LRRC7: variants seen among roughly 807,000 people sequenced by gnomAD.
The protein encoded by LRRC7 is leucine rich repeat containing 7.
LRRC7 carries 23 observed loss-of-function variants against 175.7 expected under a neutral mutation model. The ratio of observed to expected loss-of-function variants is 0.13; its 90% CI spans 0.09 to 0.19. The LOEUF is 0.19. Among genes scored for constraint, LRRC7 ranks in the 10% least tolerant of loss-of-function variants. LRRC7 has a pLI of 1.00. For missense variants in LRRC7, 1,354 were observed against 1,904.7 expected, an observed-to-expected ratio of 0.71 and a Z score of 5.38; for synonymous variants, 685 against 680.9, an observed-to-expected ratio of 1.01 and a Z score of -0.09.
At chr1:69,740,155 G>C (rs997078416) in intron 2 of LRRC7, among the ~76,000 whole-genome samples, 2 of 152,050 alleles carry the variant, frequency 1.3e-5, no homozygotes, top group Non-Finnish European at 2.9e-5. Context: ...GTCTTCCAAG[G>C]CTGCCATAAG....
intron 1 of LRRC7, among the ~76,000 whole-genome samples, chr1:69,568,925 A>G (rs2100865461): frequency 1.3e-5 from 2 of 152,304 alleles, no homozygotes; most frequent in South Asian, 4.1e-4. Flanking sequence ...ATACTGCGAA[A>G]AGGAAAGGTA....
intron 7 of LRRC7, among the ~76,000 whole-genome samples, chr1:69,869,107 A>G (rs1264911797): frequency 6.6e-6 from 1 of 152,100 alleles, no homozygotes; most frequent in Non-Finnish European, 1.5e-5. Flanking sequence ...AACACAACTC[A>G]GCCCACAACG....
intron 22 of LRRC7, among the ~76,000 whole-genome samples, chr1:70,049,833 G>A (rs886837607): frequency 2.0e-5 from 3 of 152,038 alleles, no homozygotes; most frequent in Admixed American, 2.0e-4. Context: ...AAACTTTGGG[G>A]GAGATTGTTT....
intron 1 of LRRC7, among the ~76,000 whole-genome samples, chr1:69,592,970 T>C: frequency 6.6e-6 from 1 of 152,034 alleles, no homozygotes; most frequent in African/African-American, 2.4e-5. Context: ...TACATAAATA[T>C]TTTAAACACA....
intron 3 of LRRC7, among the ~76,000 whole-genome samples, chr1:69,776,723 G>T (rs757454227): frequency 1.3e-5 from 2 of 151,944 alleles, no homozygotes; most frequent in Non-Finnish European, 2.9e-5. Context: ...GTGGGTGTGT[G>T]TGTGGGTGGG....
At chr1:69,588,616 G>A (rs573056308) in intron 1 of LRRC7, among the ~76,000 whole-genome samples, 8 of 152,210 alleles carry the variant, frequency 5.3e-5, no homozygotes, top group Non-Finnish European at 1.2e-4. Flanking sequence ...GAAACAGGCT[G>A]TATAATTTTT....
intron 1 of LRRC7, among the ~76,000 whole-genome samples, chr1:69,575,345 A>T (rs1291085960): frequency 1.3e-5 from 2 of 152,180 alleles, no homozygotes; most frequent in African/African-American, 4.8e-5. Context: ...TAGCTAGCCA[A>T]TTTGATGACA....
intron 23 of LRRC7, among the ~76,000 whole-genome samples, chr1:70,060,506 TA>T (rs1235799249): frequency 2.6e-5 from 4 of 152,146 alleles, no homozygotes; most frequent in Non-Finnish European, 4.4e-5. Flanking sequence ...TGAGGTCCCT[TA>T]TGTCAAAAGG....
At chr1:69,927,095 G>A (rs945748075) in intron 7 of LRRC7, among the ~76,000 whole-genome samples, 1 of 152,126 alleles carries the variant, frequency 6.6e-6, no homozygotes, top group African/African-American at 2.4e-5. Context: ...ATGAAATTGT[G>A]GGTTGAAAAT....
intron 7 of LRRC7, among the ~76,000 whole-genome samples, chr1:69,857,823 A>G (rs1173848826): frequency 6.6e-6 from 1 of 152,174 alleles, no homozygotes; most frequent in Non-Finnish European, 1.5e-5. Flanking sequence ...AGCCGAAAGA[A>G]CAAAGCTGGA....
intron 7 of LRRC7, among the ~76,000 whole-genome samples, chr1:69,923,776 T>C (rs1646968541): frequency 6.6e-6 from 1 of 152,096 alleles, no homozygotes; most frequent in Non-Finnish European, 1.5e-5. Context: ...GATGGTAGTT[T>C]CTTTTGCTGT....
At chr1:69,974,384 G>A (rs907830212) in intron 8 of LRRC7, among the ~76,000 whole-genome samples, 2 of 152,112 alleles carry the variant, frequency 1.3e-5, no homozygotes, top group African/African-American at 2.4e-5. Flanking sequence ...GAAAGTTTTT[G>A]AGGTGTGAGA....
At chr1:69,993,799 A>G (rs1479267125) in intron 10 of LRRC7, among the ~76,000 whole-genome samples, 1 of 152,152 alleles carries the variant, frequency 6.6e-6, no homozygotes, top group Non-Finnish European at 1.5e-5. Context: ...TTGGATTTGG[A>G]CTATTTAAGC....
intron 2 of LRRC7, among the ~76,000 whole-genome samples, chr1:69,694,250 A>G (rs1260915165): frequency 6.6e-6 from 1 of 152,158 alleles, no homozygotes; most frequent in Non-Finnish European, 1.5e-5. Context: ...TAATAATTTT[A>G]TCACTTTGAA....
At chr1:69,945,025 T>G (rs1313101738) in intron 8 of LRRC7, among the ~76,000 whole-genome samples, 4 of 152,130 alleles carry the variant, frequency 2.6e-5, no homozygotes, top group Non-Finnish European at 5.9e-5. Context: ...ATCCCACTTG[T>G]CTATTTTTAC....
At chr1:70,035,882 T>C (rs745523923) in intron 18 of LRRC7, among the ~76,000 whole-genome samples, 1 of 152,056 alleles carries the variant, frequency 6.6e-6, no homozygotes, top group African/African-American at 2.4e-5. Context: ...CATTGCACAG[T>C]GCCAGGCATA....
Position 70,136,041 on chromosome 1 carries a change from ATC to A in LRRC7, c.*14166_*14167del, listed in dbSNP as rs66494414. Among the ~76,000 whole-genome samples the A allele has an allele frequency of 1.4e-3, 202 of 140,062 alleles. No homozygotes were observed. The highest frequency in any genetic ancestry group is 5.2e-3 in the African/African-American group (189 of 36,646). 91.9% of individuals were successfully genotyped at this position (140,062 alleles called of 152,430 possible). A position where few individuals can be genotyped will look rare whatever the true frequency, so the allele number is the denominator to read the frequency against. ...GAGAAATTCAAACTTGGGAATTAAT[ATC>A]TCTCTCTCTCTGTGTGTGTCTGTGT... is the stretch of plus-strand genomic sequence containing the variant. On this transcript the variant is annotated 3_prime_UTR_variant, in exon 27 of 27. Coordinates refer to ENST00000651989, the MANE Select transcript of LRRC7 (RefSeq NM_001370785.2).
chr1:69,872,898 A>G (rs541661396), intron 7 of LRRC7, among the ~76,000 whole-genome samples: 2 of 152,252 alleles, frequency 1.3e-5, no homozygotes, highest in Admixed American at 1.3e-4. Flanking sequence ...TTCAAACACT[A>G]TGGAGATTAA....
chr1:69,899,784 G>T (rs191645569), intron 7 of LRRC7, among the ~76,000 whole-genome samples: 2 of 152,284 alleles, frequency 1.3e-5, no homozygotes, highest in East Asian at 1.9e-4. Flanking sequence ...TTTAAAAGCG[G>T]CTTCGTGCAG....
Sources: allele counts gnomAD v4.1 joint callset (sites outside exome capture counted in the v4.1 genomes callset), GRCh38; gene constraint gnomAD v4.1.1; transcripts MANE v1.5; gene names NCBI Gene and HGNC (gene_info 2026-07-23, HGNC 2026-07-21).